The following GRAMD1A variants were observed in gnomAD, a reference collection of about 807,000 sequenced individuals.
The protein encoded by GRAMD1A is GRAM domain containing 1A, also known as protein Aster-A.
Under a neutral mutation model 92.0 loss-of-function variants are expected in GRAMD1A, and 50 were observed. That is an observed-to-expected ratio of 0.54 (90% CI 0.43 to 0.69). GRAMD1A has a LOEUF of 0.69. GRAMD1A is among the 30% of genes least tolerant of loss of function. The pLI, the probability that GRAMD1A is intolerant of heterozygous loss-of-function variation, is 0.00. For missense variants in GRAMD1A, 819 were observed against 978.9 expected (o/e 0.84, Z 2.18); for synonymous variants, 405 against 403.6 (o/e 1.00, Z -0.04).
At chr19:35,016,986 A>G (rs1451505121) in intron 11 of GRAMD1A, among the ~76,000 whole-genome samples, 1 of 151,774 alleles carries the variant, frequency 6.6e-6, no homozygotes, top group Non-Finnish European at 1.5e-5. Context: ...AGCCTGGGCA[A>G]CATAATGAGA....
At chr19:35,003,061 G>GGTGTGT (rs58809497) in intron 1 of GRAMD1A, among the ~76,000 whole-genome samples, 3,124 of 142,286 alleles carry the variant, frequency 0.022, 63 homozygotes, top group African/African-American at 0.047. Flanking sequence ...CAATGCTGCA[G>GGTGTGT]GTGTGTGTGT....
Position 35,019,482 on chromosome 19 carries a change from C to T in GRAMD1A, c.1424C>T (p.Thr475Ile), listed in dbSNP as rs2151729930. The change falls in exon 13 of 20, where the codon ACT becomes ATT. Residue 475 changes from threonine (T) to isoleucine (I), a missense_variant. Coordinates refer to ENST00000317991, the MANE Select transcript of GRAMD1A (RefSeq NM_020895.5). The part of the protein sequence containing the change: ...QGIPYQDYFY[T>I]AHRYCILGLA... Reference sequence around the variant, plus strand: ...ATCCCCTACCAGGACTACTTCTACACTGCCCACCGCTACTGCATCCTGGGT... The same window carrying T: ...ATCCCCTACCAGGACTACTTCTACATTGCCCACCGCTACTGCATCCTGGGT... The T allele has an allele frequency of 6.2e-7, 1 of 1,614,004 alleles. No homozygotes were observed. The highest frequency in any genetic ancestry group is 8.5e-7 in the Non-Finnish European group (1 of 1,179,916).
At chr19:34,996,484 AC>A (rs1407861293), upstream of GRAMD1A, among the ~76,000 whole-genome samples, 1 of 152,216 alleles carries the variant, frequency 6.6e-6, no homozygotes, top group Admixed American at 6.5e-5. Context: ...ACCAGCTATG[AC>A]TGAGCTCAGC....
At chr19:35,012,326 ATGAGGTTAG>A (rs1244658025) in intron 7 of GRAMD1A, among the ~76,000 whole-genome samples, 1 of 152,202 alleles carries the variant, frequency 6.6e-6, no homozygotes, top group Non-Finnish European at 1.5e-5. Flanking sequence ...TAAAAGGATG[ATGAGGTTAG>A]CACCTACTTT....
Position 35,013,688 on chromosome 19 carries a change from T to C in GRAMD1A, c.867T>C (p.His289=). 3 of 1,606,098 alleles carry C rather than the reference T, an allele frequency of 1.9e-6. No individual in the cohort carries two copies. Among genetic ancestry groups the C allele is most frequent in the South Asian group, 1.1e-5 (1 of 90,408 alleles). Residue 289 remains histidine, a synonymous_variant, in exon 9 of 20, where the codon CAT becomes CAC. Transcript: ENST00000317991. The surrounding 1 kb of genome is among the most constrained non-coding windows in gnomAD (Gnocchi z 4.9). ...NLSRASSDAD[H]GAEEDKEEQV... ...CCCGAGCCAGCAGCGACGCAGACCA[T>C]GGGGTGAGCGGTGGGTTGGAAGAGG...
In GRAMD1A at chr19:35,008,152, AC is replaced by A. The variant is rs985766938; in HGVS notation, c.9-962del. ...AAGACCAGCCTGGCCAACATAGTGA[AC>A]CCCCGTCTCTACTAAAAATACAAAA... On this transcript the variant is annotated intron_variant, in intron 1 of 19. Transcript: ENST00000317991. 2.7e-5 allele frequency among the ~76,000 whole-genome samples: 4 copies of A among 150,300 alleles called. No homozygotes were observed. The East Asian group carries it at 6.0e-4, about 23-fold the overall frequency.
intron 17 of GRAMD1A, 65 bp from the exon 18 acceptor site, chr19:35,023,168 TGTA>T: frequency 9.3e-7 from 1 of 1,081,012 alleles, no homozygotes; most frequent in Non-Finnish European, 1.4e-6. Flanking sequence ...CCCTACAAGA[TGTA>T]GTTGTTTGGG....
In GRAMD1A at chr19:35,022,054, G is replaced by A. The variant is rs758469920; in HGVS notation, c.1841+16G>A. On this transcript the variant is annotated intron_variant, in intron 16 of 19. Coordinates refer to ENST00000317991, the MANE Select transcript of GRAMD1A (RefSeq NM_020895.5). Reference sequence around the variant, plus strand: ...TCAGCATTGTGTGAGTAAGAGACAGGAGCAGTGGCCACACAGGCCTGAACC... The same window carrying A: ...TCAGCATTGTGTGAGTAAGAGACAGAAGCAGTGGCCACACAGGCCTGAACC... The A allele has an allele frequency of 1.3e-6, 2 of 1,594,300 alleles. No individual in the cohort carries two copies. The highest frequency in any genetic ancestry group is 1.7e-5 in the Admixed American group (1 of 59,670).
At chr19:35,023,637 C>G (rs2016243771) in intron 19 of GRAMD1A, 90 bp downstream of exon 19, 7 of 1,272,146 alleles carry the variant, frequency 5.5e-6, no homozygotes, top group Non-Finnish European at 6.4e-6. Context: ...CTTCCCCTCT[C>G]CGGATCTCAG....
intron 16 of GRAMD1A, among the ~76,000 whole-genome samples, 181 bp downstream of exon 16, chr19:35,022,219 C>T (rs66892261): frequency 0.18 from 26,980 of 152,054 alleles, 2,452 homozygotes; most frequent in African/African-American, 0.22. Context: ...GAAGCCTTCC[C>T]TGCTAGAACA....
chr19:35,005,491 A>T (rs1450006481), intron 1 of GRAMD1A, among the ~76,000 whole-genome samples: 3 of 151,886 alleles, frequency 2.0e-5, no homozygotes, highest in African/African-American at 7.3e-5. Context: ...GAGGGCAGAG[A>T]GGGACCACCC....
intron 7 of GRAMD1A, among the ~76,000 whole-genome samples, chr19:35,012,743 G>A (rs537946994): frequency 4.6e-4 from 70 of 152,250 alleles, no homozygotes; most frequent in Non-Finnish European, 9.1e-4. Context: ...GAAGACGGGC[G>A]GATCGTGGTG....
At chr19:35,020,506 T>A (rs1292599248) in intron 13 of GRAMD1A, among the ~76,000 whole-genome samples, 1 of 151,674 alleles carries the variant, frequency 6.6e-6, no homozygotes, top group African/African-American at 2.4e-5. Flanking sequence ...CCACTGCACT[T>A]CAGCCTGGGT....
chr19:35,014,798 G>A, intron 10 of GRAMD1A: 1 of 199,538 alleles, frequency 5.0e-6, no homozygotes, highest in South Asian at 8.7e-5. Flanking sequence ...GGCCAAGGTA[G>A]GAAGGATTGC....
At chr19:35,000,040 C>A, upstream of GRAMD1A, 14 of 985,062 alleles carry the variant, frequency 1.4e-5, no homozygotes, top group Non-Finnish European at 1.7e-5. The surrounding 1 kb of genome is among the most constrained non-coding windows in gnomAD (Gnocchi z 4.9). Flanking sequence ...TTGCTAGGGA[C>A]CCTTTTCTAG....
intron 1 of GRAMD1A, among the ~76,000 whole-genome samples, chr19:34,995,134 A>G (rs1182952541): frequency 6.6e-6 from 1 of 152,194 alleles, no homozygotes; most frequent in Non-Finnish European, 1.5e-5. Context: ...TGCTAAGCAA[A>G]CAGGGAAGGG....
intron 13 of GRAMD1A, 31 bp downstream of exon 13, chr19:35,019,564 G>T (rs747874510): frequency 2.5e-6 from 4 of 1,607,350 alleles, no homozygotes; most frequent in Non-Finnish European, 3.4e-6. Flanking sequence ...TCCACCCGAT[G>T]CCCTGGTGGC....
chr19:35,003,601 C>T (rs1483504102), intron 1 of GRAMD1A, among the ~76,000 whole-genome samples: 1 of 152,230 alleles, frequency 6.6e-6, no homozygotes. Flanking sequence ...AGATCTGTGG[C>T]TGCGGGAAAG....
chr19:34,996,337 G>A (rs968033980), upstream of GRAMD1A: 1 of 1,417,946 alleles, frequency 7.1e-7, no homozygotes, highest in East Asian at 2.5e-5. Flanking sequence ...CTCTGTCTAG[G>A]GAGGGTTCTC....
Sources: allele counts gnomAD v4.1 joint callset (sites outside exome capture counted in the v4.1 genomes callset), GRCh38; gene constraint gnomAD v4.1.1; non-coding constraint Gnocchi (gnomAD v3.1); transcripts MANE v1.5; gene names NCBI Gene and HGNC (gene_info 2026-07-23, HGNC 2026-07-21).